Variants in MECOM observed in about 807,000 individuals in gnomAD.
MECOM encodes histone-lysine N-methyltransferase MECOM.
MECOM carries 13 observed loss-of-function variants against 116.3 expected under a neutral mutation model. The observed-to-expected ratio is 0.11, with a 90% CI of 0.07 to 0.18. The LOEUF (loss-of-function observed/expected upper bound fraction) is 0.18. Among genes scored for constraint, MECOM ranks in the 10% least tolerant of loss-of-function variants. The probability of loss-of-function intolerance (pLI) is 1.00; values close to 1 mark genes in which losing one functional copy is unlikely to be tolerated. For missense variants in MECOM, 1,299 were observed against 1,509.0 expected, an observed-to-expected ratio of 0.86 and a Z score of 2.31; for synonymous variants, 528 against 535.2, an observed-to-expected ratio of 0.99 and a Z score of 0.19.
chr3:169,129,937 A>T (rs1734110864), intron 4 of MECOM, among the ~76,000 whole-genome samples: 1 of 152,228 alleles, frequency 6.6e-6, no homozygotes, highest in African/African-American at 2.4e-5. Flanking sequence ...AATATCTATC[A>T]TATAGTAGGT....
intron 16 of MECOM, among the ~76,000 whole-genome samples, chr3:169,086,165 A>G (rs555455720): frequency 2.2e-4 from 34 of 152,270 alleles, no homozygotes; most frequent in African/African-American, 8.2e-4. Context: ...AAATGTACAC[A>G]TTTGACTTTT....
intron 2 of MECOM, among the ~76,000 whole-genome samples, chr3:169,295,631 T>C (rs1715441377): frequency 6.6e-6 from 1 of 152,218 alleles, no homozygotes; most frequent in African/African-American, 2.4e-5. Flanking sequence ...TCTCAAATTC[T>C]TTTTATGTTT....
chr3:169,350,459 C>T (rs937056687), intron 2 of MECOM, among the ~76,000 whole-genome samples: 9 of 151,878 alleles, frequency 5.9e-5, no homozygotes, highest in South Asian at 4.2e-4. Context: ...ATTGAGTCTT[C>T]GAGATTTTCC....
intron 1 of MECOM, among the ~76,000 whole-genome samples, chr3:169,485,964 C>CATATACTATATATATATAGTATA (rs1560340637): frequency 1.1e-5 from 1 of 94,392 alleles, no homozygotes; most frequent in Non-Finnish European, 1.9e-5. Flanking sequence ...TACATATATA[C>CATATACTATATATATATAGTATA]TATATATACA....
intron 1 of MECOM, among the ~76,000 whole-genome samples, chr3:169,480,365 A>G (rs1213808938): frequency 2.2e-4 from 5 of 22,874 alleles, no homozygotes; most frequent in African/African-American, 1.6e-3. Context: ...AAGTAGGAAC[A>G]AAAGGATTTA....
intron 1 of MECOM, among the ~76,000 whole-genome samples, chr3:169,404,326 T>C (rs1158394493): frequency 6.6e-6 from 1 of 151,902 alleles, no homozygotes; most frequent in East Asian, 1.9e-4. Context: ...TTGCCTAATT[T>C]GAAATGACAA....
At chr3:169,318,781 G>T (rs890407914) in intron 2 of MECOM, among the ~76,000 whole-genome samples, 1 of 152,062 alleles carries the variant, frequency 6.6e-6, no homozygotes, top group Non-Finnish European at 1.5e-5. Flanking sequence ...TATACCCAAA[G>T]GATTATAAAT....
chr3:169,408,858 T>TA (rs148811001), intron 1 of MECOM, among the ~76,000 whole-genome samples: 38 of 148,122 alleles, frequency 2.6e-4, no homozygotes, highest in South Asian at 1.7e-3. Flanking sequence ...TTGTGACAAT[T>TA]AAAAAAAAAA....
At position 169,237,525 on chromosome 3, in the gene MECOM, T is replaced by C. The variant is rs548182301; in HGVS notation, c.376-93693A>G. Reference sequence around the variant, plus strand: ...CCCCGTATGAAATAATCTTCCTTTATTGATGTGCTGTCCCTCCCTACTAGA... The same window carrying C: ...CCCCGTATGAAATAATCTTCCTTTACTGATGTGCTGTCCCTCCCTACTAGA... On this transcript the variant is annotated intron_variant, in intron 2 of 16. Coordinates refer to ENST00000651503, the MANE Select transcript of MECOM (RefSeq NM_004991.4). Among the ~76,000 whole-genome samples the C allele has an allele frequency of 4.6e-5, 7 of 151,806 alleles. No individual in the cohort carries two copies. In the South Asian group the frequency reaches 1.5e-3, roughly 32 times the overall value.
At chr3:169,153,402 A>G (rs1413703642) in intron 2 of MECOM, among the ~76,000 whole-genome samples, 1 of 152,190 alleles carries the variant, frequency 6.6e-6, no homozygotes. Context: ...TTTATTTTAT[A>G]AAAGATAACT....
At chr3:169,363,247 T>C (rs781444122) in intron 2 of MECOM, among the ~76,000 whole-genome samples, 19 of 152,106 alleles carry the variant, frequency 1.2e-4, no homozygotes, top group Middle Eastern at 3.4e-3. Context: ...TTCTAAACTT[T>C]AGGGGAAATG....
intron 2 of MECOM, among the ~76,000 whole-genome samples, chr3:169,363,277 G>A (rs1056543323): frequency 6.6e-6 from 1 of 151,968 alleles, no homozygotes; most frequent in African/African-American, 2.4e-5. Flanking sequence ...CAAAGCCCAA[G>A]GGAATAGGCT....
rs750695074 is a variant in MECOM at position 169,116,310 on chromosome 3, G to T, written c.1562C>A (p.Thr521Lys). 88 of 1,614,076 alleles carry T rather than the reference G, an allele frequency of 5.5e-5. No individual in the cohort carries two copies. The South Asian group carries it at 9.4e-4, about 17-fold the overall frequency. ...CATGAGGGGACTTTGACTTTTGTTT[G>T]TCTGTTCAGTACTTGATAGTCCTTT... ...PVKGLSSTEQ[T>K]NKSQSPLMTH... Residue 521 changes from threonine to lysine, a missense_variant, in exon 8 of 17, where the codon ACA (threonine) becomes AAA (lysine). Around this residue, in one of 6 missense-constraint regions of MECOM, gnomAD observed 238 missense variants for 273.1 expected, o/e 0.87. Coordinates refer to ENST00000651503, the MANE Select transcript of MECOM (RefSeq NM_004991.4).
At chr3:169,168,176 T>C (rs1162411630) in intron 2 of MECOM, among the ~76,000 whole-genome samples, 1 of 152,098 alleles carries the variant, frequency 6.6e-6, no homozygotes, top group African/African-American at 2.4e-5. Flanking sequence ...CAATAGTTTT[T>C]TACCTTACAG....
chr3:169,603,149 G>A (rs931423470), intron 1 of MECOM, among the ~76,000 whole-genome samples: 5 of 152,174 alleles, frequency 3.3e-5, no homozygotes, highest in African/African-American at 1.2e-4. Flanking sequence ...GGTCCCATAA[G>A]ATTATAACAG....
chr3:169,395,199 G>A (rs1560218673), intron 1 of MECOM, among the ~76,000 whole-genome samples: 1 of 152,166 alleles, frequency 6.6e-6, no homozygotes, highest in Non-Finnish European at 1.5e-5. Flanking sequence ...TAGACTATAA[G>A]GGGATGAGGG....
At chr3:169,586,538 T>C (rs144584093) in intron 1 of MECOM, among the ~76,000 whole-genome samples, 1 of 152,314 alleles carries the variant, frequency 6.6e-6, no homozygotes, top group East Asian at 1.9e-4. Flanking sequence ...GCTAATGAAA[T>C]TTGGCTTAAA....
At chr3:169,419,671 G>A (rs1470213106) in intron 1 of MECOM, among the ~76,000 whole-genome samples, 11 of 152,028 alleles carry the variant, frequency 7.2e-5, no homozygotes, top group Non-Finnish European at 1.5e-5. Context: ...GAAAACCTAG[G>A]CAATACCATT....
intron 7 of MECOM, among the ~76,000 whole-genome samples, chr3:169,119,041 A>G (rs1035862747): frequency 4.6e-5 from 7 of 152,242 alleles, no homozygotes; most frequent in African/African-American, 1.7e-4. Context: ...ATTAAGAGGC[A>G]TTTTGAATAT....
Sources: gnomAD v4.1 joint callset for allele counts (sites outside exome capture counted in the v4.1 genomes callset) on GRCh38, gnomAD v4.1.1 for gene constraint, gnomAD v4.1.1 regional missense constraint, MANE v1.5 for transcripts, NCBI Gene and HGNC (gene_info 2026-07-23, HGNC 2026-07-21) for gene names.